The following MAD1L1 variants were observed in gnomAD, a reference collection of about 807,000 sequenced individuals.
MAD1L1 encodes mitotic arrest deficient 1 like 1.
Under a neutral mutation model 96.9 loss-of-function variants are expected in MAD1L1, and 95 were observed. That is an observed-to-expected ratio of 0.98 (90% CI 0.83 to 1.16). The LOEUF (loss-of-function observed/expected upper bound fraction) is 1.16, where lower values mean the gene tolerates loss of function less well. Among genes scored for constraint, MAD1L1 ranks in the 50% most tolerant of loss-of-function variants. MAD1L1 has a pLI of 0.00. For missense variants in MAD1L1, 1,007 were observed against 954.4 expected (o/e 1.06, Z -0.73); for synonymous variants, 473 against 396.6 (o/e 1.19, Z -2.29).
At chr7:2,062,131 C>T in intron 12 of MAD1L1, among the ~76,000 whole-genome samples, 1 of 151,736 alleles carries the variant, frequency 6.6e-6, no homozygotes, top group Non-Finnish European at 1.5e-5. Flanking sequence ...AATCCCAGCT[C>T]CTCGGGAGGC....
At chr7:2,094,826 C>T (rs375265231) in intron 11 of MAD1L1, among the ~76,000 whole-genome samples, 101 of 152,108 alleles carry the variant, frequency 6.6e-4, no homozygotes, top group African/African-American at 1.4e-3. Context: ...TGACCCAGGG[C>T]GATGGGAACT....
At chr7:2,220,526 G>C (rs1050154336) in intron 5 of MAD1L1, among the ~76,000 whole-genome samples, 14 of 152,340 alleles carry the variant, frequency 9.2e-5, no homozygotes, top group Admixed American at 9.1e-4. Flanking sequence ...CGTGATGTCA[G>C]CCCTGGGGAC....
In MAD1L1 at chr7:2,021,974, G is replaced by A. The variant is rs141501155; in HGVS notation, c.1219-7332C>T. Among the ~76,000 whole-genome samples the A allele has an allele frequency of 2.6e-3, 390 of 151,418 alleles. 1 individual carries two copies. The highest frequency in any genetic ancestry group is 0.012 in the South Asian group (55 of 4,766). On this transcript the variant is annotated intron_variant, in intron 12 of 18. Transcript: ENST00000265854. ...TCTACTTTATTCATCTGTTTTTTTCGAGACAGAGTCTCACTCTGTTGCCCA... is the reference window on the plus strand; with the variant it reads ...TCTACTTTATTCATCTGTTTTTTTCAAGACAGAGTCTCACTCTGTTGCCCA...
chr7:1,821,988 G>A lies in MAD1L1; in HGVS notation c.1999-5760C>T, dbSNP rs536807681. Among the ~76,000 whole-genome samples, 6 of 152,190 alleles carry A rather than the reference G, an allele frequency of 3.9e-5. No homozygotes were observed. The South Asian group carries it at 8.3e-4, about 21-fold the overall frequency. On this transcript the variant is annotated intron_variant, in intron 18 of 18. Coordinates refer to ENST00000265854, the MANE Select transcript of MAD1L1 (RefSeq NM_001013836.2). Reference sequence around the variant, plus strand: ...GAAAAGAACAGAACTGTCCCTACTCGGAAATCACATGACGGCACACGTGGA... The same window carrying A: ...GAAAAGAACAGAACTGTCCCTACTCAGAAATCACATGACGGCACACGTGGA...
At chr7:1,913,498 T>TA (rs1460410372) in intron 17 of MAD1L1, among the ~76,000 whole-genome samples, 2 of 152,076 alleles carry the variant, frequency 1.3e-5, no homozygotes, top group East Asian at 3.9e-4. Context: ...CTGGGAGCTG[T>TA]AGCGGCAGCC....
At chr7:2,098,935 G>A (rs1786638624) in intron 11 of MAD1L1, among the ~76,000 whole-genome samples, 1 of 152,168 alleles carries the variant, frequency 6.6e-6, no homozygotes, top group African/African-American at 2.4e-5. Flanking sequence ...GCTGGAATTT[G>A]CTAAGCCAAG....
At chr7:1,869,782 G>A (rs1001605095) in intron 18 of MAD1L1, among the ~76,000 whole-genome samples, 3 of 152,150 alleles carry the variant, frequency 2.0e-5, no homozygotes, top group East Asian at 1.9e-4. Context: ...AACACATCAC[G>A]ACTGTCCCTG....
chr7:1,941,615 C>A (rs1248283312), intron 16 of MAD1L1, among the ~76,000 whole-genome samples: 1 of 152,226 alleles, frequency 6.6e-6, no homozygotes, highest in Non-Finnish European at 1.5e-5. Flanking sequence ...TTGTCCTCCT[C>A]AGCCGCTACG....
At chr7:1,829,111 T>C (rs1782575576) in intron 18 of MAD1L1, among the ~76,000 whole-genome samples, 1 of 152,164 alleles carries the variant, frequency 6.6e-6, no homozygotes, top group African/African-American at 2.4e-5. Flanking sequence ...GCGTGGGCTG[T>C]GGGGCGACGT....
At chr7:1,929,195 TCTC>T (rs1789282362) in intron 17 of MAD1L1, among the ~76,000 whole-genome samples, 2 of 151,348 alleles carry the variant, frequency 1.3e-5, no homozygotes, top group Admixed American at 1.3e-4. Flanking sequence ...CCTCCTCCCT[TCTC>T]CTCCCTGGTA....
intron 11 of MAD1L1, among the ~76,000 whole-genome samples, chr7:2,082,068 G>A (rs1237333412): frequency 1.3e-5 from 2 of 152,138 alleles, no homozygotes; most frequent in Non-Finnish European, 2.9e-5. Flanking sequence ...CAAAGCACAA[G>A]AACTTATGTA....
At chr7:1,896,247 G>C (rs1208120667) in intron 18 of MAD1L1, among the ~76,000 whole-genome samples, 1 of 152,226 alleles carries the variant, frequency 6.6e-6, no homozygotes, top group Non-Finnish European at 1.5e-5. Flanking sequence ...GGGGCTGAAA[G>C]TCCGGCCACT....
chr7:1,881,967 C>T (rs946865432), intron 18 of MAD1L1, among the ~76,000 whole-genome samples: 1 of 152,220 alleles, frequency 6.6e-6, no homozygotes, highest in Non-Finnish European at 1.5e-5. Context: ...GAGCCACAGG[C>T]TTGCCCGTGT....
chr7:1,940,758 G>T (rs769476514), intron 16 of MAD1L1, among the ~76,000 whole-genome samples: 1 of 152,230 alleles, frequency 6.6e-6, no homozygotes, highest in Non-Finnish European at 1.5e-5. Flanking sequence ...GATAACCCGC[G>T]TGTGTCCCAA....
intron 17 of MAD1L1, among the ~76,000 whole-genome samples, chr7:1,931,091 C>T (rs1371781361): frequency 7.0e-6 from 1 of 142,308 alleles, no homozygotes; most frequent in Middle Eastern, 3.3e-3. Context: ...GTCACAGGAG[C>T]GAGGGCGCAT....
At chr7:1,843,140 C>T (rs544491921) in intron 18 of MAD1L1, among the ~76,000 whole-genome samples, 3 of 152,128 alleles carry the variant, frequency 2.0e-5, no homozygotes, top group East Asian at 3.9e-4. Context: ...GGCACAGTGC[C>T]GGGATCCTGT....
At chr7:2,097,954 G>A (rs931902090) in intron 11 of MAD1L1, among the ~76,000 whole-genome samples, 7 of 152,250 alleles carry the variant, frequency 4.6e-5, no homozygotes, top group African/African-American at 7.2e-5. Context: ...CCAGACCAAC[G>A]GGGAGGGCAC....
At chr7:2,080,219 T>A (rs1394761719) in intron 11 of MAD1L1, among the ~76,000 whole-genome samples, 1 of 152,240 alleles carries the variant, frequency 6.6e-6, no homozygotes. Context: ...TTCATTGACA[T>A]ATGGCTTACG....
chr7:1,847,345 G>A (rs867020625), intron 18 of MAD1L1: 15 of 470,970 alleles, frequency 3.2e-5, no homozygotes, highest in Admixed American at 1.9e-4. Context: ...GGCGGTGCTC[G>A]CGGAGGTACC....
Sources: gnomAD v4.1 joint callset for allele counts (sites outside exome capture counted in the v4.1 genomes callset) on GRCh38, gnomAD v4.1.1 for gene constraint, MANE v1.5 for transcripts, NCBI Gene and HGNC (gene_info 2026-07-23, HGNC 2026-07-21) for gene names.